Variants in FBXL17 observed in about 807,000 individuals in gnomAD.
The protein encoded by FBXL17 is F-box/LRR-repeat protein 17.
In FBXL17, 22 loss-of-function variants were observed where a neutral mutation model predicts 66.2. The ratio of observed to expected loss-of-function variants is 0.33; its 90% CI spans 0.24 to 0.47. The LOEUF (loss-of-function observed/expected upper bound fraction) is 0.47. Among genes scored for constraint, FBXL17 ranks in the 20% least tolerant of loss-of-function variants. FBXL17 has a pLI of 1.00. For synonymous variants in FBXL17, 474 were observed against 400.5 expected (o/e 1.18, Z -2.19); for missense variants, 878 against 948.2 (o/e 0.93, Z 0.97).
At chr5:107,962,203 G>T (rs965534326) in intron 7 of FBXL17, among the ~76,000 whole-genome samples, 3 of 152,112 alleles carry the variant, frequency 2.0e-5, no homozygotes, top group Non-Finnish European at 4.4e-5. Flanking sequence ...TGAACCGTAC[G>T]CTTAAAAATG....
At chr5:107,987,264 A>AT (rs1753049902) in intron 7 of FBXL17, among the ~76,000 whole-genome samples, 1 of 149,262 alleles carries the variant, frequency 6.7e-6, no homozygotes, top group South Asian at 2.1e-4. Context: ...AGTAGTATGG[A>AT]TTTTCAGCTT....
chr5:107,938,211 C>A (rs1249293020), intron 7 of FBXL17, among the ~76,000 whole-genome samples: 1 of 151,166 alleles, frequency 6.6e-6, no homozygotes, highest in Non-Finnish European at 1.5e-5. Context: ...TAATGTAAGC[C>A]GGATGAGTGT....
chr5:108,186,104 T>C lies in FBXL17; in HGVS notation c.1745+13A>G. Reference sequence around the variant, plus strand: ...CCTCTAGAAAAGTATTTTTAACATGTTACAATGGTTACCTGTCATTTATGA... The same window carrying C: ...CCTCTAGAAAAGTATTTTTAACATGCTACAATGGTTACCTGTCATTTATGA... On this transcript the variant is annotated intron_variant, in intron 6 of 8. Coordinates refer to ENST00000542267, the MANE Select transcript of FBXL17 (RefSeq NM_001163315.3). 1.2e-6 allele frequency: 2 copies of C among 1,601,516 alleles called. No individual in the cohort carries two copies. Among genetic ancestry groups the C allele is most frequent in the Non-Finnish European group, 1.7e-6 (2 of 1,171,320 alleles).
chr5:108,089,983 A>C (rs1749128656), intron 6 of FBXL17, among the ~76,000 whole-genome samples: 1 of 151,990 alleles, frequency 6.6e-6, no homozygotes, highest in Non-Finnish European at 1.5e-5. Context: ...GTGTGCCACT[A>C]TACCCAGCTA....
intron 7 of FBXL17, among the ~76,000 whole-genome samples, chr5:108,018,139 T>C (rs1475793164): frequency 6.6e-6 from 1 of 152,142 alleles, no homozygotes; most frequent in East Asian, 1.9e-4. Flanking sequence ...CTCACCAGCT[T>C]GAATACGAGT....
At chr5:107,940,998 G>T (rs894211851) in intron 7 of FBXL17, among the ~76,000 whole-genome samples, 17 of 152,048 alleles carry the variant, frequency 1.1e-4, no homozygotes, top group African/African-American at 4.1e-4. Flanking sequence ...TATGGGGGAA[G>T]AAAGTGCTTT....
chr5:108,356,187 G>C (rs1446446087), intron 3 of FBXL17, among the ~76,000 whole-genome samples: 2 of 152,086 alleles, frequency 1.3e-5, no homozygotes, highest in Non-Finnish European at 2.9e-5. Flanking sequence ...AAAAAACCTA[G>C]AAATCTTTAA....
intron 6 of FBXL17, among the ~76,000 whole-genome samples, chr5:108,111,464 T>C (rs1242717055): frequency 2.6e-5 from 4 of 152,340 alleles, no homozygotes; most frequent in Admixed American, 2.6e-4. Context: ...ATATTCTTAT[T>C]TATTTAAGCT....
At chr5:107,983,382 C>T (rs1262833809) in intron 7 of FBXL17, among the ~76,000 whole-genome samples, 1 of 151,296 alleles carries the variant, frequency 6.6e-6, no homozygotes, top group Non-Finnish European at 1.5e-5. Context: ...TTAGTAGAGA[C>T]AAGGTCTTGC....
At chr5:108,299,344 T>C (rs1019655870) in intron 4 of FBXL17, 2 of 984,664 alleles carry the variant, frequency 2.0e-6, no homozygotes, top group Admixed American at 6.2e-5. Flanking sequence ...CATTAAAGTA[T>C]ATTTTGTACA....
chr5:108,232,388 T>A (rs1410224599), intron 4 of FBXL17, among the ~76,000 whole-genome samples: 1 of 152,056 alleles, frequency 6.6e-6, no homozygotes, highest in Admixed American at 6.6e-5. Flanking sequence ...TGGGTTCAAG[T>A]TGGCAAGGGG....
At chr5:107,869,877 G>T (rs1748391147) in intron 8 of FBXL17, among the ~76,000 whole-genome samples, 1 of 152,134 alleles carries the variant, frequency 6.6e-6, no homozygotes, top group South Asian at 2.1e-4. Context: ...AAGGCCTTCT[G>T]CCATAAACCC....
chr5:108,380,586 G>GGGAGA, intron 1 of FBXL17, 113 bp downstream of exon 1: 1 of 604,672 alleles, frequency 1.7e-6, no homozygotes, highest in Non-Finnish European at 2.5e-6. Context: ...ACGTCCCTAG[G>GGGAGA]CTGCCAGGGA....
chr5:108,186,026 A>G (rs879845044), intron 6 of FBXL17, 91 bp downstream of exon 6: 63 of 1,031,168 alleles, frequency 6.1e-5, no homozygotes, highest in Non-Finnish European at 6.1e-5. Context: ...GCTGTATTCA[A>G]TTTTAGTTAT....
intron 5 of FBXL17, among the ~76,000 whole-genome samples, chr5:108,188,890 C>A (rs1414013431): frequency 6.6e-6 from 1 of 152,002 alleles, no homozygotes; most frequent in East Asian, 1.9e-4. Flanking sequence ...AAATAAAATA[C>A]AAAATAAATA....
At chr5:108,353,956 G>A (rs1386667124) in intron 3 of FBXL17, among the ~76,000 whole-genome samples, 6 of 152,214 alleles carry the variant, frequency 3.9e-5, no homozygotes, top group Admixed American at 2.6e-4. Flanking sequence ...GACCAGAAGC[G>A]TTTTAATTGT....
chr5:108,218,223 T>C (rs2150069191), intron 5 of FBXL17, among the ~76,000 whole-genome samples: 1 of 152,090 alleles, frequency 6.6e-6, no homozygotes, highest in East Asian at 1.9e-4. Flanking sequence ...TTAGCCAGGA[T>C]GGTCTCAAAC....
At position 108,150,728 on chromosome 5, in the gene FBXL17, A is replaced by G. The variant is rs551544496; in HGVS notation, c.1745+35389T>C. ...AAACATTTTTTGGCAAGAATACTGT[A>G]AGAGGTGCTGTACTTCCCACAGGAT... On this transcript the variant is annotated intron_variant, in intron 6 of 8. Transcript: ENST00000542267. Among the ~76,000 whole-genome samples the G allele has an allele frequency of 7.9e-5, 12 of 152,324 alleles. No homozygotes were observed. In the East Asian group the frequency reaches 2.3e-3, roughly 29 times the overall value.
At chr5:107,951,142 G>C (rs1751487184) in intron 7 of FBXL17, among the ~76,000 whole-genome samples, 1 of 152,136 alleles carries the variant, frequency 6.6e-6, no homozygotes, top group Non-Finnish European at 1.5e-5. Context: ...CTGGAAAAAA[G>C]TAAGTCTCAT....
Sources: gnomAD v4.1 joint callset for allele counts (sites outside exome capture counted in the v4.1 genomes callset) on GRCh38, gnomAD v4.1.1 for gene constraint, MANE v1.5 for transcripts, NCBI Gene and HGNC (gene_info 2026-07-23, HGNC 2026-07-21) for gene names.